CRPPA: variants seen among roughly 807,000 people sequenced by gnomAD.
CRPPA encodes the protein CDP-L-ribitol pyrophosphorylase A, also known as D-ribitol-5-phosphate cytidylyltransferase.
Under a neutral mutation model 52.0 loss-of-function variants are expected in CRPPA, and 43 were observed. The observed-to-expected ratio is 0.83, with a 90% CI of 0.65 to 1.07. The LOEUF (loss-of-function observed/expected upper bound fraction) is 1.07, where lower values mean the gene tolerates loss of function less well. Ranked by LOEUF, CRPPA falls within the 50% of genes least tolerant of loss-of-function variation. The pLI is 0.00. For synonymous variants in CRPPA, 250 were observed against 203.5 expected (o/e 1.23, Z -1.94); for missense variants, 629 against 551.7 (o/e 1.14, Z -1.40).
intron 4 of CRPPA, among the ~76,000 whole-genome samples, chr7:16,307,549 A>G (rs1318149202): frequency 6.6e-6 from 1 of 151,666 alleles, no homozygotes; most frequent in Non-Finnish European, 1.5e-5. Context: ...GGGTGGTGGT[A>G]GGCACCTGTG....
intron 9 of CRPPA, among the ~76,000 whole-genome samples, chr7:16,200,971 AT>A (rs1781838941): frequency 6.6e-6 from 1 of 152,162 alleles, no homozygotes; most frequent in Admixed American, 6.5e-5. Flanking sequence ...TTATAGAAGC[AT>A]TTTTCCTTAA....
At chr7:16,137,078 T>A (rs933212574) in intron 9 of CRPPA, among the ~76,000 whole-genome samples, 1 of 152,266 alleles carries the variant, frequency 6.6e-6, no homozygotes, top group Non-Finnish European at 1.5e-5. Flanking sequence ...TCAATATTTG[T>A]GTTGCCCAAA....
At chr7:16,353,785 G>C (rs187397825) in intron 3 of CRPPA, among the ~76,000 whole-genome samples, 3 of 151,976 alleles carry the variant, frequency 2.0e-5, no homozygotes, top group African/African-American at 7.3e-5. Context: ...GGGAGGCACA[G>C]GTTGCAGTGA....
chr7:16,207,803 G>C (rs1562557052), intron 9 of CRPPA, among the ~76,000 whole-genome samples: 1 of 152,172 alleles, frequency 6.6e-6, no homozygotes, highest in East Asian at 1.9e-4. Flanking sequence ...ATTGATATAA[G>C]TAATAGAGCA....
chr7:16,308,415 G>T (rs571437580), intron 4 of CRPPA, 108 bp downstream of exon 4: 8 of 656,068 alleles, frequency 1.2e-5, no homozygotes, highest in Non-Finnish European at 2.2e-5. Flanking sequence ...CAGTAAACCC[G>T]TGAGACTCCC....
At chr7:16,280,163 T>C (rs1201222484) in intron 5 of CRPPA, among the ~76,000 whole-genome samples, 1 of 152,200 alleles carries the variant, frequency 6.6e-6, no homozygotes, top group Admixed American at 6.5e-5. Context: ...AAGATGAGAT[T>C]TGGGTGGGGA....
intron 8 of CRPPA, among the ~76,000 whole-genome samples, chr7:16,227,136 A>T (rs903154130): frequency 2.4e-4 from 36 of 151,848 alleles, no homozygotes; most frequent in African/African-American, 8.7e-4. Context: ...TTATCTATCC[A>T]TTTGTGGACA....
At chr7:16,106,486 A>G (rs2128365756) in intron 9 of CRPPA, among the ~76,000 whole-genome samples, 1 of 152,306 alleles carries the variant, frequency 6.6e-6, no homozygotes, top group Admixed American at 6.5e-5. Flanking sequence ...CCCAGCCACC[A>G]GACAGCAGAG....
chr7:16,288,481 G>T (rs974978731), intron 5 of CRPPA, among the ~76,000 whole-genome samples: 1 of 151,646 alleles, frequency 6.6e-6, no homozygotes, highest in African/African-American at 2.4e-5. Context: ...GCAACCCAAA[G>T]AATTACAAAA....
chr7:16,385,585 G>C (rs568514604), intron 2 of CRPPA, among the ~76,000 whole-genome samples: 1 of 152,264 alleles, frequency 6.6e-6, no homozygotes, highest in East Asian at 1.9e-4. Context: ...CAGAATTTTT[G>C]CTAACAGATT....
intron 8 of CRPPA, among the ~76,000 whole-genome samples, chr7:16,251,776 G>A (rs113340436): frequency 0.033 from 5,049 of 152,186 alleles, 281 homozygotes; most frequent in African/African-American, 0.11. Flanking sequence ...GAGAAAGCAG[G>A]AAAGATCTAA....
intron 2 of CRPPA, among the ~76,000 whole-genome samples, chr7:16,391,818 A>T (rs1371712662): frequency 2.0e-5 from 3 of 152,194 alleles, no homozygotes; most frequent in Non-Finnish European, 4.4e-5. Context: ...TAAGGGTTAC[A>T]TTAGTGAATC....
intron 2 of CRPPA, among the ~76,000 whole-genome samples, chr7:16,391,245 T>C (rs1787436185): frequency 6.6e-6 from 1 of 152,172 alleles, no homozygotes; most frequent in Non-Finnish European, 1.5e-5. Context: ...CTTCTCGTTA[T>C]TCTTGCCCAA....
intron 9 of CRPPA, among the ~76,000 whole-genome samples, chr7:16,170,276 C>T (rs1045860009): frequency 6.6e-6 from 1 of 152,128 alleles, no homozygotes; most frequent in Non-Finnish European, 1.5e-5. Context: ...AAATGAGCTG[C>T]CAGAGGAGAA....
intron 9 of CRPPA, among the ~76,000 whole-genome samples, chr7:16,203,367 G>A (rs754250232): frequency 6.6e-6 from 1 of 152,062 alleles, no homozygotes; most frequent in Non-Finnish European, 1.5e-5. Flanking sequence ...AACTAGGCCT[G>A]AATGATAGAA....
chr7:16,308,731 G>A, intron 3 of CRPPA, 104 bp from the exon 4 acceptor site: 1 of 698,988 alleles, frequency 1.4e-6, no homozygotes, highest in Non-Finnish European at 2.5e-6. Flanking sequence ...AGGGCCTAGG[G>A]GGCTCAAACT....
At chr7:16,323,575 C>G (rs925941596) in intron 3 of CRPPA, among the ~76,000 whole-genome samples, 14 of 152,158 alleles carry the variant, frequency 9.2e-5, no homozygotes, top group African/African-American at 3.4e-4. Context: ...TTGCCAAGTC[C>G]ACTCCAAATC....
intron 3 of CRPPA, among the ~76,000 whole-genome samples, chr7:16,352,293 A>G (rs1028931668): frequency 6.6e-6 from 1 of 152,062 alleles, no homozygotes; most frequent in Admixed American, 6.6e-5. Context: ...GAGGGAGAAC[A>G]TTAGGACAAA....
At chr7:16,245,172 C>G (rs1783235389) in intron 8 of CRPPA, among the ~76,000 whole-genome samples, 1 of 152,144 alleles carries the variant, frequency 6.6e-6, no homozygotes, top group Non-Finnish European at 1.5e-5. Flanking sequence ...TTTCCAATTA[C>G]AAACATATGT....
Sources: gnomAD v4.1 joint callset for allele counts (sites outside exome capture counted in the v4.1 genomes callset) on GRCh38, gnomAD v4.1.1 for gene constraint, MANE v1.5 for transcripts, NCBI Gene and HGNC (gene_info 2026-07-23, HGNC 2026-07-21) for gene names.